RAD51B: variants seen among roughly 807,000 people sequenced by gnomAD.
The protein encoded by RAD51B is DNA repair protein RAD51 homolog 2.
In RAD51B, 38 loss-of-function variants were observed where a neutral mutation model predicts 42.2. That is an observed-to-expected ratio of 0.90 (90% CI 0.70 to 1.18). The LOEUF is 1.18. Ranked by LOEUF, RAD51B falls within the 50% of genes most tolerant of loss-of-function variation. RAD51B has a pLI of 0.00. For synonymous variants in RAD51B, 154 were observed against 145.2 expected (o/e 1.06, Z -0.43); for missense variants, 373 against 400.7 (o/e 0.93, Z 0.59).
chr14:68,381,170 C>T (rs183233128), intron 8 of RAD51B, among the ~76,000 whole-genome samples: 28 of 152,278 alleles, frequency 1.8e-4, no homozygotes, highest in Admixed American at 1.2e-3. Flanking sequence ...TCCTAATGAC[C>T]GTAAGTGACT....
At chr14:67,956,585 A>G (rs2074552632) in intron 7 of RAD51B, among the ~76,000 whole-genome samples, 1 of 152,250 alleles carries the variant, frequency 6.6e-6, no homozygotes, top group African/African-American at 2.4e-5. Context: ...CTCGAAAAGT[A>G]TGTAATCTGT....
chr14:68,500,954 C>T (rs1241240888), intron 10 of RAD51B, among the ~76,000 whole-genome samples: 1 of 152,216 alleles, frequency 6.6e-6, no homozygotes, highest in Non-Finnish European at 1.5e-5. Flanking sequence ...GGAGTCCCCT[C>T]TTATAGGGCT....
intron 10 of RAD51B, chr14:68,627,249 T>C (rs1167513972): frequency 6.6e-6 from 1 of 152,188 alleles, no homozygotes; most frequent in Non-Finnish European, 1.5e-5. Flanking sequence ...CCAGCAGCAG[T>C]TGCCATGGAG....
chr14:68,351,000 T>C (rs2082774783), intron 8 of RAD51B, among the ~76,000 whole-genome samples: 1 of 152,208 alleles, frequency 6.6e-6, no homozygotes, highest in Non-Finnish European at 1.5e-5. Context: ...TCTGGCCTTA[T>C]TTTCAGTAGC....
At chr14:68,371,591 A>C (rs914043039) in intron 8 of RAD51B, among the ~76,000 whole-genome samples, 2 of 152,248 alleles carry the variant, frequency 1.3e-5, no homozygotes, top group African/African-American at 2.4e-5. Flanking sequence ...GGTGGCTTCC[A>C]GCACTTTGGG....
downstream of RAD51B, among the ~76,000 whole-genome samples, chr14:68,599,415 C>A (rs1220851391): frequency 6.6e-6 from 1 of 152,118 alleles, no homozygotes; most frequent in Non-Finnish European, 1.5e-5. Flanking sequence ...AGTAGAGGAA[C>A]CGTGGGGTGA....
chr14:68,611,926 A>G (rs1470009165), downstream of RAD51B, among the ~76,000 whole-genome samples: 1 of 152,054 alleles, frequency 6.6e-6, no homozygotes, highest in Non-Finnish European at 1.5e-5. Flanking sequence ...ATTCACCTGT[A>G]CGAAAACCAG....
intron 10 of RAD51B, among the ~76,000 whole-genome samples, chr14:68,588,802 G>A (rs908673146): frequency 4.6e-4 from 70 of 152,274 alleles, no homozygotes; most frequent in African/African-American, 1.4e-3. Context: ...GTGTTGGTGT[G>A]TTCTGTCATT....
At chr14:67,823,669 A>G in intron 2 of RAD51B, 42 bp downstream of exon 2, 1 of 1,483,766 alleles carries the variant, frequency 6.7e-7, no homozygotes, top group Non-Finnish European at 9.3e-7. Flanking sequence ...TTTTATGCAC[A>G]AGTTAACTTT....
At chr14:68,064,381 T>G (rs2076616601) in intron 7 of RAD51B, among the ~76,000 whole-genome samples, 1 of 152,190 alleles carries the variant, frequency 6.6e-6, no homozygotes, top group Non-Finnish European at 1.5e-5. Context: ...TTACAATTCT[T>G]TCTTTGTCTT....
At chr14:68,388,078 G>GTGTA (rs1555402265) in intron 8 of RAD51B, among the ~76,000 whole-genome samples, 80 of 112,202 alleles carry the variant, frequency 7.1e-4, no homozygotes, top group African/African-American at 2.9e-3. Flanking sequence ...GTGTGTGTGT[G>GTGTA]TATATATATA....
intron 4 of RAD51B, among the ~76,000 whole-genome samples, chr14:67,862,839 A>G (rs1390909935): frequency 6.6e-6 from 1 of 152,140 alleles, no homozygotes; most frequent in Non-Finnish European, 1.5e-5. Flanking sequence ...AGTAATAAAT[A>G]TTATAAAATG....
chr14:68,637,975 G>A (rs1316265630), intron 10 of RAD51B, among the ~76,000 whole-genome samples: 1 of 152,248 alleles, frequency 6.6e-6, no homozygotes, highest in Non-Finnish European at 1.5e-5. Context: ...ACATTGCCCT[G>A]TGAAGGGCAG....
At chr14:68,048,943 G>C (rs1475418300) in intron 7 of RAD51B, among the ~76,000 whole-genome samples, 1 of 152,172 alleles carries the variant, frequency 6.6e-6, no homozygotes, top group East Asian at 1.9e-4. Context: ...CAATAGCAAA[G>C]ACTTGGAACC....
At chr14:68,028,311 G>T (rs1317985771) in intron 7 of RAD51B, among the ~76,000 whole-genome samples, 2 of 152,320 alleles carry the variant, frequency 1.3e-5, no homozygotes, top group East Asian at 3.9e-4. Context: ...CTGTTACCAT[G>T]CCTGCCTTTC....
At chr14:68,200,656 A>AT (rs113988267) in intron 7 of RAD51B, among the ~76,000 whole-genome samples, 4,954 of 151,312 alleles carry the variant, frequency 0.033, 282 homozygotes, top group African/African-American at 0.11. Flanking sequence ...TAAATCAATA[A>AT]TTTTTTTTTC....
chr14:68,632,968 C>CTTTTTTTTTTTTTTTTTTTTTTTTTTT (rs397852024), intron 10 of RAD51B, among the ~76,000 whole-genome samples: 4 of 59,426 alleles, frequency 6.7e-5, no homozygotes, highest in Non-Finnish European at 1.2e-4. Flanking sequence ...TTTTCTTTTT[C>CTTTTTTTTTTTTTTTTTTTTTTTTTTT]TTTTTTTTTT....
At chr14:68,666,949 T>C (rs1297618012) in intron 11 of RAD51B, among the ~76,000 whole-genome samples, 1 of 152,180 alleles carries the variant, frequency 6.6e-6, no homozygotes, top group African/African-American at 2.4e-5. Flanking sequence ...GTTGGCCTTT[T>C]AAAGCAACTC....
At chr14:68,253,089 A>G (rs1263298309) in intron 7 of RAD51B, among the ~76,000 whole-genome samples, 1 of 152,182 alleles carries the variant, frequency 6.6e-6, no homozygotes, top group Non-Finnish European at 1.5e-5. Flanking sequence ...TCAAAAAAAA[A>G]AAAAAAGAAT....
Sources: gnomAD v4.1 joint callset for allele counts (sites outside exome capture counted in the v4.1 genomes callset) on GRCh38, gnomAD v4.1.1 for gene constraint, MANE v1.5 for transcripts, NCBI Gene and HGNC (gene_info 2026-07-23, HGNC 2026-07-21) for gene names.